CCDC148: variants seen among roughly 807,000 people sequenced by gnomAD.
CCDC148 encodes coiled-coil domain containing 148, also known as coiled-coil domain-containing protein 148.
In CCDC148, 89 loss-of-function variants were observed where a neutral mutation model predicts 85.7. The observed-to-expected ratio is 1.04, with a 90% CI of 0.87 to 1.24. CCDC148 has a LOEUF of 1.24. Ranked by LOEUF, CCDC148 falls within the 50% of genes most tolerant of loss-of-function variation. The pLI, the probability that CCDC148 is intolerant of heterozygous loss-of-function variation, is 0.00. For synonymous variants in CCDC148, 230 were observed against 213.9 expected, an observed-to-expected ratio of 1.08 and a Z score of -0.66; for missense variants, 692 against 671.7, an observed-to-expected ratio of 1.03 and a Z score of -0.33.
intron 9 of CCDC148, among the ~76,000 whole-genome samples, chr2:158,306,392 A>G (rs1034031671): frequency 6.6e-6 from 1 of 152,112 alleles, no homozygotes; most frequent in African/African-American, 2.4e-5. Flanking sequence ...TGTTTATTGC[A>G]GCACTATTCA....
At chr2:158,262,044 T>TA (rs1018181031) in intron 9 of CCDC148, among the ~76,000 whole-genome samples, 2 of 151,860 alleles carry the variant, frequency 1.3e-5, no homozygotes, top group Admixed American at 1.3e-4. Flanking sequence ...CATTCCACCA[T>TA]AAAAAAGACG....
At chr2:158,210,274 T>C (rs1405882553) in intron 11 of CCDC148, among the ~76,000 whole-genome samples, 4 of 152,158 alleles carry the variant, frequency 2.6e-5, no homozygotes, top group Admixed American at 1.3e-4. Flanking sequence ...ATCCTAAATA[T>C]ATATGCACCC....
rs1046093029 is a variant in CCDC148 at position 158,290,291 on chromosome 2, T to C, written c.1110+19142A>G. Among the ~76,000 whole-genome samples, 19 of 152,278 alleles carry C rather than the reference T, an allele frequency of 1.2e-4. No individual in the cohort carries two copies. The Middle Eastern group carries it at 0.01, about 82-fold the overall frequency. ...CACCACTCAGGACACATTGTCAGTA[T>C]ACAATCACATTTCATCCCATGGTCT... On this transcript the variant is annotated intron_variant, in intron 9 of 13. Transcript: ENST00000283233.
chr2:158,447,944 T>C (rs1419813161), intron 1 of CCDC148, among the ~76,000 whole-genome samples: 1 of 152,198 alleles, frequency 6.6e-6, no homozygotes, highest in African/African-American at 2.4e-5. Flanking sequence ...TTTGGTATTG[T>C]ATCTAAAGAA....
At chr2:158,352,667 G>T (rs2105259095) in intron 2 of CCDC148, among the ~76,000 whole-genome samples, 1 of 152,214 alleles carries the variant, frequency 6.6e-6, no homozygotes, top group African/African-American at 2.4e-5. Flanking sequence ...ATATTATCCA[G>T]GAGAACTTCC....
At chr2:158,390,192 C>A (rs1391874147) in intron 1 of CCDC148, among the ~76,000 whole-genome samples, 1 of 152,120 alleles carries the variant, frequency 6.6e-6, no homozygotes. Flanking sequence ...TTTATATAAT[C>A]TTGAAACTTA....
At chr2:158,328,623 CCCA>C (rs1370141805) in intron 7 of CCDC148, among the ~76,000 whole-genome samples, 3 of 152,128 alleles carry the variant, frequency 2.0e-5, no homozygotes, top group African/African-American at 7.2e-5. Flanking sequence ...AGTTTACAGT[CCCA>C]CCAACAGTGT....
At chr2:158,241,850 C>T (rs1174631655) in intron 10 of CCDC148, among the ~76,000 whole-genome samples, 4 of 152,058 alleles carry the variant, frequency 2.6e-5, no homozygotes, top group Non-Finnish European at 5.9e-5. Flanking sequence ...CAAAATAAAA[C>T]ACAGATTAGA....
intron 7 of CCDC148, among the ~76,000 whole-genome samples, chr2:158,314,659 A>G (rs1692196243): frequency 6.6e-6 from 1 of 152,224 alleles, no homozygotes; most frequent in South Asian, 2.1e-4. Context: ...CAGTTTGAAC[A>G]CTAAACTGAA....
chr2:158,313,613 C>A, intron 8 of CCDC148, 143 bp downstream of exon 8: 6 of 893,954 alleles, frequency 6.7e-6, no homozygotes, highest in South Asian at 2.4e-5. Flanking sequence ...GGCTTTCAAA[C>A]TATTATATAA....
At chr2:158,414,465 GC>G (rs1686401906) in intron 1 of CCDC148, among the ~76,000 whole-genome samples, 1 of 152,112 alleles carries the variant, frequency 6.6e-6, no homozygotes, top group Non-Finnish European at 1.5e-5. Flanking sequence ...AAACTGCAGT[GC>G]CCAGTGCCCA....
At chr2:158,289,829 C>T (rs1305785520) in intron 9 of CCDC148, among the ~76,000 whole-genome samples, 4 of 152,092 alleles carry the variant, frequency 2.6e-5, no homozygotes, top group Non-Finnish European at 5.9e-5. Flanking sequence ...AACAGCAAAA[C>T]GGATCAATAA....
chr2:158,387,612 C>T (rs1297926709), intron 1 of CCDC148, among the ~76,000 whole-genome samples: 1 of 152,102 alleles, frequency 6.6e-6, no homozygotes, highest in Non-Finnish European at 1.5e-5. Flanking sequence ...TCTACCCTTC[C>T]AAATATACTT....
intron 11 of CCDC148, among the ~76,000 whole-genome samples, chr2:158,214,340 C>A (rs1473673529): frequency 6.6e-6 from 1 of 152,056 alleles, no homozygotes; most frequent in Non-Finnish European, 1.5e-5. Flanking sequence ...GCAAGCACCC[C>A]AATATCCACC....
intron 11 of CCDC148, among the ~76,000 whole-genome samples, chr2:158,185,856 A>G (rs1685129913): frequency 6.6e-6 from 1 of 152,086 alleles, no homozygotes; most frequent in Non-Finnish European, 1.5e-5. Context: ...CATTGTTTAT[A>G]GAGAATTTAA....
At chr2:158,434,446 C>T (rs532218139) in intron 1 of CCDC148, among the ~76,000 whole-genome samples, 1 of 152,092 alleles carries the variant, frequency 6.6e-6, no homozygotes, top group Non-Finnish European at 1.5e-5. Context: ...ACAGAAAGGA[C>T]ATCCACACCA....
intron 11 of CCDC148, among the ~76,000 whole-genome samples, chr2:158,197,458 C>T (rs1330003810): frequency 1.3e-5 from 2 of 152,060 alleles, no homozygotes; most frequent in Non-Finnish European, 2.9e-5. Context: ...ATCTTATTTA[C>T]TAAGGTTACC....
At chr2:158,374,413 A>C (rs1211098416) in intron 1 of CCDC148, among the ~76,000 whole-genome samples, 3 of 152,074 alleles carry the variant, frequency 2.0e-5, no homozygotes, top group Non-Finnish European at 4.4e-5. Context: ...TTTACCTCCA[A>C]CATATATTAT....
At chr2:158,260,678 A>T (rs1376535973) in intron 9 of CCDC148, among the ~76,000 whole-genome samples, 1 of 152,132 alleles carries the variant, frequency 6.6e-6, no homozygotes, top group Non-Finnish European at 1.5e-5. Flanking sequence ...TTTAGGATAC[A>T]AAATCAATGT....
Sources: allele counts gnomAD v4.1 joint callset (sites outside exome capture counted in the v4.1 genomes callset), GRCh38; gene constraint gnomAD v4.1.1; transcripts MANE v1.5; gene names NCBI Gene and HGNC (gene_info 2026-07-23, HGNC 2026-07-21).